Variants in AFF4 observed in about 807,000 individuals in gnomAD.
AFF4 encodes AF4/FMR2 family member 4.
Under a neutral mutation model 124.8 loss-of-function variants are expected in AFF4, and 13 were observed. That is an observed-to-expected ratio of 0.10 (90% confidence interval 0.07 to 0.17). AFF4 has a LOEUF of 0.17. Among genes scored for constraint, AFF4 ranks in the 10% least tolerant of loss-of-function variants. The probability of loss-of-function intolerance (pLI) is 1.00; values close to 1 mark genes in which losing one functional copy is unlikely to be tolerated. For missense variants in AFF4, 1,092 were observed against 1,403.8 expected, an observed-to-expected ratio of 0.78 and a Z score of 3.55; for synonymous variants, 477 against 496.1, an observed-to-expected ratio of 0.96 and a Z score of 0.51.
chr5:132,954,420 GGGT>G (rs1761908289), intron 1 of AFF4, among the ~76,000 whole-genome samples: 1 of 152,202 alleles, frequency 6.6e-6, no homozygotes, highest in Admixed American at 6.5e-5. Flanking sequence ...GGAGCACACA[GGGT>G]GAGTGGGTGC....
rs540448657 is a variant in AFF4 at position 132,921,138 on chromosome 5, A to G, written c.1050+5983T>C. ...CGAGACTCTGTCACAAAAAAAAAAA[A>G]AAAAGAATCTTAGCCCATTTAAAAA... is the stretch of plus-strand genomic sequence containing the variant. On this transcript the variant is annotated intron_variant, in intron 5 of 20. Transcript: ENST00000265343. Among the ~76,000 whole-genome samples, 39 of 152,138 alleles carry G rather than the reference A, an allele frequency of 2.6e-4. 1 individual carries two copies. In the East Asian group the frequency reaches 6.8e-3, roughly 26 times the overall value.
intron 2 of AFF4, 45 bp from the exon 3 acceptor site, chr5:132,934,986 CAGAAATAAAAT>C: frequency 7.1e-7 from 1 of 1,403,514 alleles, no homozygotes; most frequent in Non-Finnish European, 9.5e-7. Flanking sequence ...TGAGCATAAT[CAGAAATAAAAT>C]ATAATTCTGA....
chr5:132,956,082 G>A (rs1278055962), intron 1 of AFF4, among the ~76,000 whole-genome samples: 1 of 151,590 alleles, frequency 6.6e-6, no homozygotes, highest in Non-Finnish European at 1.5e-5. Context: ...AACCCTAACA[G>A]CCACCAAGTA....
At chr5:132,947,304 G>A (rs1761722578) in intron 1 of AFF4, among the ~76,000 whole-genome samples, 1 of 152,064 alleles carries the variant, frequency 6.6e-6, no homozygotes, top group Non-Finnish European at 1.5e-5. Context: ...TCGGGAGGCT[G>A]AGGCAAGAGA....
In AFF4 at chr5:132,949,739, G is replaced by A. The variant is rs148556088; in HGVS notation, c.-4-12546C>T. Among the ~76,000 whole-genome samples the A allele has an allele frequency of 5.4e-4, 82 of 151,444 alleles. No homozygotes were observed. The East Asian group carries it at 7.6e-3, about 14-fold the overall frequency. ...GCGCCAGGCGTGAGGGTGAGTGCCC[G>A]CAGTCCCGGCTACTCGGGAGGCTGA... On this transcript the variant is annotated intron_variant, in intron 1 of 20. Coordinates refer to ENST00000265343, the MANE Select transcript of AFF4 (RefSeq NM_014423.4).
chr5:132,907,562 A>C (rs1760698972), intron 5 of AFF4, among the ~76,000 whole-genome samples: 1 of 152,000 alleles, frequency 6.6e-6, no homozygotes, highest in African/African-American at 2.4e-5. Flanking sequence ...AATACACATA[A>C]TTATATTGAG....
chr5:132,933,243 C>CAAA (rs1466058452), intron 3 of AFF4, among the ~76,000 whole-genome samples: 3 of 150,566 alleles, frequency 2.0e-5, no homozygotes, highest in Non-Finnish European at 3.0e-5. Flanking sequence ...ACTAAAAATA[C>CAAA]AAAATTAGCC....
intron 1 of AFF4, among the ~76,000 whole-genome samples, chr5:132,942,460 CTT>C (rs35994411): frequency 0.017 from 2,271 of 134,032 alleles, 60 homozygotes; most frequent in Admixed American, 0.072. Context: ...TCCTTTTGAC[CTT>C]TTTTTTTTTT....
intron 5 of AFF4, among the ~76,000 whole-genome samples, chr5:132,909,678 T>A (rs1760749560): frequency 6.6e-6 from 1 of 152,218 alleles, no homozygotes; most frequent in Non-Finnish European, 1.5e-5. Context: ...CCTCATTTCA[T>A]TACAGAATAT....
At chr5:132,893,270 T>C in intron 11 of AFF4, 152 bp from the exon 12 acceptor site, 1 of 693,482 alleles carries the variant, frequency 1.4e-6, no homozygotes, top group Non-Finnish European at 2.4e-6. Flanking sequence ...TTCAAGAAGA[T>C]GAGGTTTTAA....
chr5:132,909,077 A>T (rs1017433782), intron 5 of AFF4, among the ~76,000 whole-genome samples: 2 of 150,724 alleles, frequency 1.3e-5, no homozygotes, highest in African/African-American at 2.4e-5. Context: ...CCGCTCAAGC[A>T]TATCTTTTAG....
intron 4 of AFF4, among the ~76,000 whole-genome samples, chr5:132,930,122 A>C (rs1201619243): frequency 6.6e-6 from 1 of 152,216 alleles, no homozygotes; most frequent in Non-Finnish European, 1.5e-5. Flanking sequence ...GAGTCTGAAG[A>C]GGCAAAGAGA....
chr5:132,930,030 T>G (rs530311647), intron 4 of AFF4, among the ~76,000 whole-genome samples: 46 of 152,250 alleles, frequency 3.0e-4, no homozygotes, highest in African/African-American at 1.0e-3. Context: ...TTAGAGATAT[T>G]TAGGATTCTA....
chr5:132,917,844 C>CT (rs1161202898), intron 5 of AFF4, among the ~76,000 whole-genome samples: 1 of 149,026 alleles, frequency 6.7e-6, no homozygotes, highest in African/African-American at 2.5e-5. Context: ...TCCCAAGTAG[C>CT]TTGGATTACA....
Position 132,911,312 on chromosome 5 carries a change from T to C in AFF4, c.1051-6908A>G, listed in dbSNP as rs572351607. Reference sequence around the variant, plus strand: ...CCCTCATCTTTCTACTAAAAATCTTTGTCATTAATAAAGAACAAGTTGTCA... The same window carrying C: ...CCCTCATCTTTCTACTAAAAATCTTCGTCATTAATAAAGAACAAGTTGTCA... On this transcript the variant is annotated intron_variant, in intron 5 of 20. Coordinates refer to ENST00000265343, the MANE Select transcript of AFF4 (RefSeq NM_014423.4). Among the ~76,000 whole-genome samples the C allele has an allele frequency of 2.0e-5, 3 of 152,276 alleles. No homozygotes were observed. In the South Asian group the frequency reaches 6.2e-4, roughly 32 times the overall value.
intron 9 of AFF4, 51 bp from the exon 10 acceptor site, chr5:132,898,443 C>A: frequency 6.5e-7 from 1 of 1,539,428 alleles, no homozygotes; most frequent in Non-Finnish European, 8.7e-7. Flanking sequence ...ACATTGACAA[C>A]AGGAAAACAT....
intron 1 of AFF4, among the ~76,000 whole-genome samples, chr5:132,955,439 C>CA (rs1326753182): frequency 2.6e-5 from 4 of 152,142 alleles, no homozygotes; most frequent in Admixed American, 2.0e-4. Flanking sequence ...AAGCAAAGCT[C>CA]AGACGGTAAT....
intron 5 of AFF4, among the ~76,000 whole-genome samples, chr5:132,916,782 C>T (rs1165521018): frequency 6.6e-6 from 1 of 151,944 alleles, no homozygotes; most frequent in Admixed American, 6.6e-5. Context: ...CCAAGATAGC[C>T]CAGGAATACA....
Position 132,896,366 on chromosome 5 carries a change from T to C in AFF4, c.2264A>G (p.Gln755Arg). 2 of 1,601,642 alleles carry C rather than the reference T, an allele frequency of 1.2e-6. No individual in the cohort carries two copies. The highest frequency in any genetic ancestry group is 1.7e-6 in the Non-Finnish European group (2 of 1,177,018). ...TTTGTTGGAAACTTTTTCTGAGGCTTGTTTCTGAGCCTCTCTCGTGTGCTT... is the reference window on the plus strand; with the variant it reads ...TTTGTTGGAAACTTTTTCTGAGGCTCGTTTCTGAGCCTCTCTCGTGTGCTT... The part of the protein sequence containing the change: ...PEKHTREAQK[Q>R]ASEKVSNKGK... The change falls in exon 11 of 21, where the codon CAA (glutamine) becomes CGA (arginine). Residue 755 changes from glutamine to arginine, a missense_variant. Transcript: ENST00000265343.
Sources: gnomAD v4.1 joint callset for allele counts (sites outside exome capture counted in the v4.1 genomes callset) on GRCh38, gnomAD v4.1.1 for gene constraint, MANE v1.5 for transcripts, NCBI Gene and HGNC (gene_info 2026-07-23, HGNC 2026-07-21) for gene names.